COL22A1: variants seen among roughly 807,000 people sequenced by gnomAD.
COL22A1 encodes collagen type XXII alpha 1 chain.
A neutral mutation model predicts 248.9 loss-of-function variants in COL22A1; 221 were observed. That is an observed-to-expected ratio of 0.89 (90% CI 0.80 to 0.99). The LOEUF (loss-of-function observed/expected upper bound fraction) is 0.99. COL22A1 is among the 50% of genes least tolerant of loss of function. The probability of loss-of-function intolerance (pLI) is 0.00; values close to 1 mark genes in which losing one functional copy is unlikely to be tolerated. For missense variants in COL22A1, 2,240 were observed against 2,179.0 expected (o/e 1.03, Z -0.56); for synonymous variants, 891 against 793.4 (o/e 1.12, Z -2.07).
intron 41 of COL22A1, among the ~76,000 whole-genome samples, chr8:138,668,388 T>TTA (rs777064134): frequency 1.8e-4 from 27 of 152,030 alleles, no homozygotes; most frequent in East Asian, 1.4e-3. Context: ...TAATAAAAAT[T>TTA]TATATATACA....
At chr8:138,799,461 A>C (rs985939975) in intron 11 of COL22A1, among the ~76,000 whole-genome samples, 3 of 152,152 alleles carry the variant, frequency 2.0e-5, no homozygotes, top group Admixed American at 2.0e-4. Context: ...CCCTTACCAA[A>C]AATTGTTTTT....
chr8:138,680,492 G>A (rs1825874974), intron 39 of COL22A1, among the ~76,000 whole-genome samples: 2 of 152,206 alleles, frequency 1.3e-5, no homozygotes, highest in Admixed American at 1.3e-4. Flanking sequence ...CTCAAGAGAA[G>A]TACTGGCATC....
chr8:138,642,367 C>T (rs917190310), intron 47 of COL22A1, among the ~76,000 whole-genome samples: 1 of 152,188 alleles, frequency 6.6e-6, no homozygotes, highest in African/African-American at 2.4e-5. Context: ...GAAATAGTAA[C>T]CTGCTCCTTG....
At chr8:138,841,743 T>C (rs1820900134) in intron 4 of COL22A1, among the ~76,000 whole-genome samples, 1 of 151,972 alleles carries the variant, frequency 6.6e-6, no homozygotes, top group African/African-American at 2.4e-5. Context: ...GCTACAAAAC[T>C]CCAAAGGAAA....
chr8:138,761,678 T>C (rs931187930), intron 17 of COL22A1, among the ~76,000 whole-genome samples: 10 of 152,154 alleles, frequency 6.6e-5, no homozygotes, highest in Non-Finnish European at 1.5e-4. Context: ...TTTTACTAAT[T>C]GGCTTTAATA....
At chr8:138,684,131 G>A (rs903820105) in intron 39 of COL22A1, among the ~76,000 whole-genome samples, 1 of 151,990 alleles carries the variant, frequency 6.6e-6, no homozygotes, top group African/African-American at 2.4e-5. Context: ...GGGCATGGTG[G>A]TGCATCCCTG....
intron 35 of COL22A1, among the ~76,000 whole-genome samples, chr8:138,691,393 G>A (rs1826856785): frequency 1.3e-5 from 2 of 152,114 alleles, no homozygotes; most frequent in African/African-American, 4.8e-5. Context: ...GTGCATGTTT[G>A]TGGAGGTATG....
chr8:138,890,247 C>T (rs1237642147), intron 1 of COL22A1, among the ~76,000 whole-genome samples: 1 of 152,072 alleles, frequency 6.6e-6, no homozygotes, highest in East Asian at 1.9e-4. Context: ...ATAATAAAGG[C>T]CATCTATGAA....
chr8:138,830,264 G>T (rs901446027), intron 5 of COL22A1, among the ~76,000 whole-genome samples: 2 of 152,160 alleles, frequency 1.3e-5, no homozygotes, highest in African/African-American at 2.4e-5. Context: ...TAAGTGAAAA[G>T]TGTAATACCT....
chr8:138,901,799 T>C (rs958690879), intron 1 of COL22A1, among the ~76,000 whole-genome samples: 2 of 152,118 alleles, frequency 1.3e-5, no homozygotes, highest in African/African-American at 2.4e-5. Context: ...CAGACCTTCA[T>C]GGGCTGGCTT....
At position 138,779,517 on chromosome 8, in the gene COL22A1, C is replaced by T. The variant is rs181087348; in HGVS notation, c.1696G>A (p.Gly566Ser). 1.2e-4 allele frequency: 193 copies of T among 1,612,608 alleles called. No individual in the cohort carries two copies. In the Admixed American group the frequency reaches 2.0e-3, roughly 17 times the overall value. ...LGEPGLPGEV[G>S]MRGPQGPPGL... ...CTCACAGCAACACTCACCCGCATGC[C>T]GACCTCACCCGGCAGCCCCGGCTCT... The change falls in exon 14 of 65, where the codon GGC (glycine) becomes AGC (serine). Residue 566 changes from glycine (G) to serine (S), a missense_variant. Coordinates refer to ENST00000303045, the MANE Select transcript of COL22A1 (RefSeq NM_152888.3).
intron 49 of COL22A1, among the ~76,000 whole-genome samples, chr8:138,633,377 T>A (rs1820885422): frequency 6.7e-6 from 1 of 149,246 alleles, no homozygotes; most frequent in Non-Finnish European, 1.5e-5. Flanking sequence ...AGCATGAGAA[T>A]AATAAGCCAG....
At chr8:138,697,891 C>CT (rs903091577) in intron 32 of COL22A1, among the ~76,000 whole-genome samples, 2 of 151,862 alleles carry the variant, frequency 1.3e-5, no homozygotes, top group African/African-American at 2.4e-5. Context: ...CACAATGAAA[C>CT]TTTTTTTTTC....
chr8:138,712,580 G>A (rs995548951), intron 30 of COL22A1, among the ~76,000 whole-genome samples: 1 of 20,576 alleles, frequency 4.9e-5, no homozygotes, highest in Non-Finnish European at 1.4e-4. Flanking sequence ...GAGGGTAAGG[G>A]TTCTACCAGC....
intron 11 of COL22A1, among the ~76,000 whole-genome samples, chr8:138,800,185 G>A (rs1816878476): frequency 6.6e-6 from 1 of 152,176 alleles, no homozygotes; most frequent in African/African-American, 2.4e-5. Flanking sequence ...GCTTTTCTCA[G>A]CTTGCATCCT....
intron 3 of COL22A1, among the ~76,000 whole-genome samples, chr8:138,850,073 T>C (rs931683855): frequency 6.6e-6 from 1 of 152,198 alleles, no homozygotes. Context: ...CTCAGGGCCA[T>C]GGTGTGCACC....
chr8:138,639,389 C>A (rs374995141), intron 47 of COL22A1, among the ~76,000 whole-genome samples: 2 of 152,194 alleles, frequency 1.3e-5, no homozygotes, highest in African/African-American at 4.8e-5. Context: ...GTCAAGTGCA[C>A]TGGATTTATA....
chr8:138,709,230 C>T (rs1373441522), intron 30 of COL22A1, among the ~76,000 whole-genome samples: 1 of 152,112 alleles, frequency 6.6e-6, no homozygotes. Flanking sequence ...GACAGTGTGG[C>T]GATTCCTCAA....
intron 3 of COL22A1, among the ~76,000 whole-genome samples, chr8:138,862,604 A>T (rs571551941): frequency 5.3e-5 from 8 of 152,284 alleles, no homozygotes; most frequent in African/African-American, 1.9e-4. Context: ...TATAATAGTC[A>T]GCTATAATTT....
Sources: gnomAD v4.1 joint callset for allele counts (sites outside exome capture counted in the v4.1 genomes callset) on GRCh38, gnomAD v4.1.1 for gene constraint, MANE v1.5 for transcripts, NCBI Gene and HGNC (gene_info 2026-07-23, HGNC 2026-07-21) for gene names.